The following RTL4 variants were observed in gnomAD, a reference collection of about 807,000 sequenced individuals.
RTL4 encodes retrotransposon Gag-like protein 4.
In RTL4, 4 loss-of-function variants were observed where a neutral mutation model predicts 5.3. The ratio of observed to expected loss-of-function variants is 0.75; its 90% CI spans 0.37 to 1.72. The LOEUF (loss-of-function observed/expected upper bound fraction) is 1.72. Among genes scored for constraint, RTL4 ranks in the 40% most tolerant of loss-of-function variants. The pLI, the probability that RTL4 is intolerant of heterozygous loss-of-function variation, is 0.04. For synonymous variants in RTL4, 98 were observed against 87.3 expected, an observed-to-expected ratio of 1.12 and a Z score of -0.68; for missense variants, 260 against 227.1, an observed-to-expected ratio of 1.14 and a Z score of -0.93.
At chrX:112,433,123 T>A in the RTL4 span, among the ~76,000 whole-genome samples, 1 of 111,624 alleles carries the variant, frequency 9.0e-6, no homozygotes, top group Non-Finnish European at 1.9e-5. Flanking sequence ...CATGCTCTTT[T>A]GGTTACTGTT....
the RTL4 span, among the ~76,000 whole-genome samples, chrX:112,432,974 T>C: frequency 9.7e-5 from 10 of 103,166 alleles, no homozygotes; most frequent in East Asian, 3.3e-4. Flanking sequence ...CCCAGCACCA[T>C]TTATTAAATA....
the RTL4 span, among the ~76,000 whole-genome samples, chrX:112,423,104 T>TTG: frequency 1.6e-4 from 17 of 103,486 alleles, no homozygotes; most frequent in Non-Finnish European, 3.0e-4. Flanking sequence ...TTTTATTTCA[T>TTG]TGTGTGTGGG....
At chrX:112,338,965 T>C in the RTL4 span, among the ~76,000 whole-genome samples, 5 of 111,763 alleles carry the variant, frequency 4.5e-5, no homozygotes, top group Admixed American at 3.8e-4. Context: ...AATGAGCAAA[T>C]AAACCTATGT....
chrX:112,138,044 T>G, the RTL4 span, among the ~76,000 whole-genome samples: 1 of 112,360 alleles, frequency 8.9e-6, no homozygotes, highest in Admixed American at 9.5e-5. Context: ...ATACATACAA[T>G]GGAATACTAT....
chrX:112,313,012 C>T, the RTL4 span, among the ~76,000 whole-genome samples: 3 of 111,030 alleles, frequency 2.7e-5, no homozygotes, highest in African/African-American at 6.6e-5. Flanking sequence ...TGTGTGCATA[C>T]GTATGTGTGT....
the RTL4 span, among the ~76,000 whole-genome samples, chrX:112,090,974 A>G: frequency 9.0e-6 from 1 of 110,906 alleles, no homozygotes; most frequent in Non-Finnish European, 1.9e-5. Flanking sequence ...TCTTGTGTCA[A>G]TTTTAATAGT....
chrX:112,116,543 C>A, the RTL4 span, among the ~76,000 whole-genome samples: 1 of 111,648 alleles, frequency 9.0e-6, no homozygotes, highest in Non-Finnish European at 1.9e-5. Flanking sequence ...TTACAGAGTG[C>A]TGATTGGTCC....
the RTL4 span, among the ~76,000 whole-genome samples, chrX:112,298,740 G>A: frequency 8.9e-6 from 1 of 112,670 alleles, no homozygotes; most frequent in Admixed American, 9.4e-5. Flanking sequence ...ACTGCCCTTT[G>A]GGGGTAGTGG....
chrX:112,230,919 G>A, the RTL4 span, among the ~76,000 whole-genome samples: 32 of 111,560 alleles, frequency 2.9e-4, no homozygotes, highest in African/African-American at 9.8e-4. Flanking sequence ...TGAAGGATAC[G>A]AACAGACACT....
chrX:112,117,151 A>G, the RTL4 span, among the ~76,000 whole-genome samples: 1 of 109,650 alleles, frequency 9.1e-6, no homozygotes, highest in Non-Finnish European at 1.9e-5. Flanking sequence ...TGGTACATAC[A>G]CTATTTACCA....
At chrX:112,202,759 C>T in the RTL4 span, among the ~76,000 whole-genome samples, 1 of 109,549 alleles carries the variant, frequency 9.1e-6, no homozygotes, top group Non-Finnish European at 1.9e-5. Context: ...CAGGGTTTCA[C>T]CATGTTGGCC....
chrX:112,280,672 G>A, the RTL4 span, among the ~76,000 whole-genome samples: 1 of 109,379 alleles, frequency 9.1e-6, no homozygotes, highest in Non-Finnish European at 1.9e-5. Context: ...TTTATATTTT[G>A]TAGAGATAGG....
the RTL4 span, among the ~76,000 whole-genome samples, chrX:112,436,218 T>TAACAA: frequency 1.1e-5 from 1 of 93,886 alleles, no homozygotes; most frequent in Non-Finnish European, 2.1e-5. Context: ...ATCTCAAACA[T>TAACAA]AACAAAACAA....
chrX:112,327,688 C>T, the RTL4 span, among the ~76,000 whole-genome samples: 1 of 110,017 alleles, frequency 9.1e-6, no homozygotes, highest in Admixed American at 9.8e-5. Context: ...AAGAGGAACT[C>T]CAAGACACAT....
the RTL4 span, among the ~76,000 whole-genome samples, chrX:112,206,908 C>G: frequency 5.4e-5 from 6 of 111,760 alleles, no homozygotes; most frequent in Non-Finnish European, 1.1e-4. Flanking sequence ...ACTAAGCACT[C>G]AGATGCTTAA....
chrX:112,388,513 G>A, the RTL4 span, among the ~76,000 whole-genome samples: 1 of 112,309 alleles, frequency 8.9e-6, no homozygotes, highest in African/African-American at 3.2e-5. Context: ...AATGCTTCCA[G>A]TTTTTACCCA....
chrX:112,313,691 A>C, the RTL4 span, among the ~76,000 whole-genome samples: 1 of 109,748 alleles, frequency 9.1e-6, no homozygotes, highest in African/African-American at 3.3e-5. Context: ...AGAGGGTTAG[A>C]TTGAAAAAGG....
At chrX:112,143,217 A>G in the RTL4 span, among the ~76,000 whole-genome samples, 1 of 111,872 alleles carries the variant, frequency 8.9e-6, no homozygotes. Context: ...AGGCTGCCGT[A>G]GGATAAGTCA....
chrX:112,242,212 G>GT, the RTL4 span, among the ~76,000 whole-genome samples: 1 of 111,930 alleles, frequency 8.9e-6, no homozygotes, highest in Non-Finnish European at 1.9e-5. Flanking sequence ...GTTTAAAGTA[G>GT]TTTTTTCCAA....
Sources: allele counts gnomAD v4.1 joint callset (sites outside exome capture counted in the v4.1 genomes callset), GRCh38; gene constraint gnomAD v4.1.1; transcripts MANE v1.5; gene names NCBI Gene and HGNC (gene_info 2026-07-23, HGNC 2026-07-21).